Variants in PHYHD1 observed in about 807,000 individuals in gnomAD.
PHYHD1 encodes phytanoyl-CoA dioxygenase domain-containing protein 1.
Under a neutral mutation model 43.6 loss-of-function variants are expected in PHYHD1, and 42 were observed. The observed-to-expected ratio is 0.96, with a 90% CI of 0.75 to 1.25. PHYHD1 has a LOEUF of 1.25. Ranked by LOEUF, PHYHD1 falls within the 50% of genes most tolerant of loss-of-function variation. The pLI is 0.00. For synonymous variants in PHYHD1, 139 were observed against 143.6 expected (o/e 0.97, Z 0.23); for missense variants, 342 against 370.8 (o/e 0.92, Z 0.64).
intron 6 of PHYHD1, among the ~76,000 whole-genome samples, chr9:128,934,688 A>C (rs1160520504): frequency 6.6e-6 from 1 of 151,820 alleles, no homozygotes; most frequent in Non-Finnish European, 1.5e-5. Flanking sequence ...GAATAGCTTG[A>C]ACCCGAGAGG....
intron 3 of PHYHD1, 78 bp downstream of exon 3, chr9:128,922,434 A>G: frequency 6.7e-7 from 1 of 1,485,948 alleles, no homozygotes; most frequent in Non-Finnish European, 9.0e-7. Flanking sequence ...CCAGTGCCCA[A>G]CCCACCCCCT....
intron 6 of PHYHD1, among the ~76,000 whole-genome samples, chr9:128,935,896 CATCTCAAAACTAAAT>C (rs1841413104): frequency 6.6e-6 from 1 of 152,088 alleles, no homozygotes; most frequent in African/African-American, 2.4e-5. Context: ...AGTGAGACTC[CATCTCAAAACTAAAT>C]AAATAAATAA....
At chr9:128,930,500 C>G (rs1347520557) in intron 4 of PHYHD1, among the ~76,000 whole-genome samples, 3 of 150,714 alleles carry the variant, frequency 2.0e-5, no homozygotes, top group African/African-American at 4.9e-5. Context: ...AATCCCAGCA[C>G]TTTGGGAGGC....
intron 3 of PHYHD1, among the ~76,000 whole-genome samples, chr9:128,925,278 C>G (rs567605779): frequency 6.7e-6 from 1 of 150,222 alleles, no homozygotes; most frequent in African/African-American, 2.5e-5. Flanking sequence ...TAGGCTAGAG[C>G]GCAGTGGCGT....
At chr9:128,926,886 C>T in intron 3 of PHYHD1, 152 bp from the exon 4 acceptor site, 1 of 1,032,442 alleles carries the variant, frequency 9.7e-7, no homozygotes, top group Non-Finnish European at 1.5e-6. Context: ...ATTGATTGCT[C>T]TTTGCTGGGT....
chr9:128,934,768 C>CAA (rs71497426), intron 6 of PHYHD1, among the ~76,000 whole-genome samples: 10 of 114,732 alleles, frequency 8.7e-5, no homozygotes, highest in East Asian at 5.0e-4. Flanking sequence ...AACTCCGTCT[C>CAA]AAAAAAAAAA....
chr9:128,927,632 C>T (rs1841170718), intron 4 of PHYHD1, among the ~76,000 whole-genome samples: 1 of 152,184 alleles, frequency 6.6e-6, no homozygotes, highest in Admixed American at 6.5e-5. Context: ...CAGCCTCAGT[C>T]TCCCAAAGTG....
Position 128,936,464 on chromosome 9 carries a change from C to A in PHYHD1, c.333C>A (p.Asp111Glu), listed in dbSNP as rs373193665. ...GTCCCATAGCTCTGCACGCCCACGA[C>A]CCCGTCTTCAAGAGCATCACACACT... ...NKIGHALHAH[D>E]PVFKSITHSF... is the part of the protein sequence containing the mutation. The change falls in exon 7 of 13, where the codon GAC becomes GAA. Residue 111 changes from aspartate (D) to glutamate (E), a missense_variant. Physicochemically the swap from Asp to Glu is conservative, Grantham distance 45. Coordinates refer to ENST00000372592, the MANE Select transcript of PHYHD1 (RefSeq NM_001100876.2). 5.6e-6 allele frequency: 9 copies of A among 1,613,494 alleles called. No homozygotes were observed. The highest frequency in any genetic ancestry group is 1.3e-5 in the African/African-American group (1 of 75,044).
chr9:128,933,608 C>T, intron 4 of PHYHD1, 174 bp from the exon 5 acceptor site: 1 of 730,438 alleles, frequency 1.4e-6, no homozygotes, highest in South Asian at 1.5e-5. Flanking sequence ...GGTGTGCTTC[C>T]AGGCACTTGA....
At position 128,938,803 on chromosome 9, in the gene PHYHD1, A is replaced by G. The variant is rs1450055425; in HGVS notation, c.457+1025A>G. 3.8e-5 allele frequency among the ~76,000 whole-genome samples: 5 copies of G among 131,148 alleles called. 1 individual carries two copies. The highest frequency in any genetic ancestry group is 8.9e-5 in the Non-Finnish European group (5 of 56,312). The allele number at this position is 131,148 out of a possible 152,430, so 86.0% of individuals were successfully genotyped here. A position where few individuals can be genotyped will look rare whatever the true frequency, so the allele number is the denominator to read the frequency against. On this transcript the variant is annotated intron_variant, in intron 9 of 12. Coordinates refer to ENST00000372592, the MANE Select transcript of PHYHD1 (RefSeq NM_001100876.2). ...CTGATCTAGTTCCACACCCTACACCATGCAGCCACCCTTTACAGCCTCCCT... is the reference window on the plus strand; with the variant it reads ...CTGATCTAGTTCCACACCCTACACCGTGCAGCCACCCTTTACAGCCTCCCT...
chr9:128,940,566 G>A (rs779672056), intron 10 of PHYHD1, 33 bp from the exon 11 acceptor site: 2 of 1,613,942 alleles, frequency 1.2e-6, no homozygotes, highest in South Asian at 2.2e-5. Context: ...CTTGAGAAAG[G>A]AGGAGTTTAA....
chr9:128,922,475 C>A, intron 3 of PHYHD1, 119 bp downstream of exon 3: 1 of 1,318,794 alleles, frequency 7.6e-7, no homozygotes. Flanking sequence ...AAACTGAAGC[C>A]CAGAGGAGCG....
chr9:128,934,768 CAAA>C (rs71497426), intron 6 of PHYHD1, among the ~76,000 whole-genome samples: 5 of 114,738 alleles, frequency 4.4e-5, no homozygotes, highest in African/African-American at 6.7e-5. Flanking sequence ...AACTCCGTCT[CAAA>C]AAAAAAAAAA....
intron 3 of PHYHD1, among the ~76,000 whole-genome samples, chr9:128,922,562 G>A (rs561648274): frequency 6.6e-6 from 1 of 152,168 alleles, no homozygotes; most frequent in African/African-American, 2.4e-5. Context: ...AGGGTAGGGT[G>A]GGGTGGGGAC....
intron 2 of PHYHD1, 82 bp from the exon 3 acceptor site, chr9:128,922,201 G>T: frequency 8.6e-7 from 1 of 1,163,646 alleles, no homozygotes. Flanking sequence ...AGGGAAGGAG[G>T]GTTGGGTGGT....
chr9:128,924,906 GC>G (rs1205558749), intron 3 of PHYHD1, among the ~76,000 whole-genome samples: 3 of 152,100 alleles, frequency 2.0e-5, no homozygotes, highest in African/African-American at 7.2e-5. Flanking sequence ...TTGCACTCCA[GC>G]CTGGGCAACA....
At chr9:128,936,402 A>G (rs780191757) in intron 6 of PHYHD1, 46 bp from the exon 7 acceptor site, 1 of 1,578,478 alleles carries the variant, frequency 6.3e-7, no homozygotes, top group South Asian at 1.2e-5. Flanking sequence ...GTGTGGAGGG[A>G]CACGTGGGCC....
chr9:128,928,991 C>T (rs978635286), intron 4 of PHYHD1, among the ~76,000 whole-genome samples: 53 of 152,134 alleles, frequency 3.5e-4, no homozygotes, highest in Non-Finnish European at 1.9e-4. Flanking sequence ...AATCACGTTA[C>T]CATGAACTGG....
intron 3 of PHYHD1, among the ~76,000 whole-genome samples, chr9:128,923,047 C>T (rs1477168957): frequency 6.7e-6 from 1 of 149,254 alleles, no homozygotes; most frequent in Non-Finnish European, 1.5e-5. Flanking sequence ...CAGGTTCAAA[C>T]GACTCTCCTA....
Sources: allele counts gnomAD v4.1 joint callset (sites outside exome capture counted in the v4.1 genomes callset), GRCh38; gene constraint gnomAD v4.1.1; transcripts MANE v1.5; gene names NCBI Gene and HGNC (gene_info 2026-07-23, HGNC 2026-07-21).